The following PPP1R1C variants were observed in gnomAD, a reference collection of about 807,000 sequenced individuals.
PPP1R1C encodes protein phosphatase 1 regulatory inhibitor subunit 1C.
Under a neutral mutation model 17.4 loss-of-function variants are expected in PPP1R1C, and 15 were observed. That is an observed-to-expected ratio of 0.86 (90% CI 0.58 to 1.33). PPP1R1C has a LOEUF of 1.33. Ranked by LOEUF, PPP1R1C falls within the 40% of genes most tolerant of loss-of-function variation. PPP1R1C has a pLI of 0.00. For synonymous variants in PPP1R1C, 35 were observed against 43.1 expected (o/e 0.81, Z 0.73); for missense variants, 143 against 130.0 (o/e 1.10, Z -0.48).
At chr2:181,980,797 A>G (rs866356200) in intron 2 of PPP1R1C, among the ~76,000 whole-genome samples, 19 of 152,232 alleles carry the variant, frequency 1.2e-4, no homozygotes, top group Admixed American at 3.9e-4. Context: ...TATGTAACAC[A>G]CTAATAATTC....
intron 2 of PPP1R1C, among the ~76,000 whole-genome samples, chr2:181,993,927 T>G (rs79937045): frequency 0.015 from 2,261 of 152,208 alleles, 63 homozygotes; most frequent in African/African-American, 0.051. Context: ...GACCTGCATT[T>G]CTTATTCAAA....
At chr2:182,126,690 C>G (rs1412827257) in intron 5 of PPP1R1C, among the ~76,000 whole-genome samples, 1 of 151,936 alleles carries the variant, frequency 6.6e-6, no homozygotes, top group African/African-American at 2.4e-5. Context: ...AAAGAGACTA[C>G]CACTCAACCG....
At chr2:182,023,527 T>C (rs1225693521) in intron 2 of PPP1R1C, among the ~76,000 whole-genome samples, 1 of 152,212 alleles carries the variant, frequency 6.6e-6, no homozygotes, top group African/African-American at 2.4e-5. Context: ...AATTATATAG[T>C]ATCAAATTTT....
At chr2:181,969,920 A>G in intron 1 of PPP1R1C, among the ~76,000 whole-genome samples, 1 of 152,048 alleles carries the variant, frequency 6.6e-6, no homozygotes, top group East Asian at 1.9e-4. Context: ...TGTCAATTGT[A>G]TTTTTCAAAT....
intron 4 of PPP1R1C, among the ~76,000 whole-genome samples, chr2:182,091,944 C>T (rs1365982213): frequency 6.6e-6 from 1 of 151,870 alleles, no homozygotes; most frequent in East Asian, 1.9e-4. Context: ...TATTTTAAGC[C>T]CCTAGAACAT....
intron 2 of PPP1R1C, among the ~76,000 whole-genome samples, chr2:182,043,237 G>C (rs890053811): frequency 1.3e-5 from 2 of 152,056 alleles, no homozygotes; most frequent in Admixed American, 6.6e-5. Context: ...TCTGTGTCTG[G>C]ATTATTTTCT....
At chr2:182,003,186 G>T (rs1685822262) in intron 2 of PPP1R1C, among the ~76,000 whole-genome samples, 3 of 152,140 alleles carry the variant, frequency 2.0e-5, no homozygotes, top group Admixed American at 2.0e-4. Context: ...TTTGAGATCT[G>T]CTCTGCATAA....
At chr2:182,019,038 A>T (rs1686340053) in intron 2 of PPP1R1C, among the ~76,000 whole-genome samples, 1 of 152,206 alleles carries the variant, frequency 6.6e-6, no homozygotes, top group Non-Finnish European at 1.5e-5. Context: ...TTAAACACAG[A>T]TAGTGAATGC....
intron 4 of PPP1R1C, among the ~76,000 whole-genome samples, chr2:182,092,517 A>G (rs1490072006): frequency 6.6e-6 from 1 of 152,312 alleles, no homozygotes; most frequent in East Asian, 1.9e-4. Flanking sequence ...AACTCATTTC[A>G]TCATTAACTC....
intron 2 of PPP1R1C, among the ~76,000 whole-genome samples, chr2:182,022,183 G>C (rs1686448728): frequency 6.6e-6 from 1 of 152,154 alleles, no homozygotes; most frequent in African/African-American, 2.4e-5. Flanking sequence ...CATGCTGTAA[G>C]ACATAAATTG....
intron 4 of PPP1R1C, among the ~76,000 whole-genome samples, chr2:182,089,871 A>C (rs191400047): frequency 6.6e-6 from 1 of 152,144 alleles, no homozygotes; most frequent in Admixed American, 6.5e-5. Flanking sequence ...AAGCCTCATA[A>C]GTTTTACTCT....
chr2:182,131,158 T>G (rs1689998423), downstream of PPP1R1C: 1 of 152,208 alleles, frequency 6.6e-6, no homozygotes, highest in African/African-American at 2.4e-5. Context: ...CCTTGTTTTC[T>G]TTCATTGTGC....
At chr2:182,021,322 T>C (rs1391137669) in intron 2 of PPP1R1C, among the ~76,000 whole-genome samples, 3 of 1,350 alleles carry the variant, frequency 2.2e-3, no homozygotes, top group Non-Finnish European at 5.2e-3. Flanking sequence ...TCTCTCTCTC[T>C]TTTTTTTTTT....
chr2:182,087,922 A>G (rs1688675725), intron 4 of PPP1R1C, among the ~76,000 whole-genome samples: 1 of 152,244 alleles, frequency 6.6e-6, no homozygotes, highest in African/African-American at 2.4e-5. Context: ...GGGCATAACC[A>G]TAGGCTAGGA....
upstream of PPP1R1C, among the ~76,000 whole-genome samples, chr2:181,981,562 C>T (rs911362555): frequency 1.3e-5 from 2 of 151,936 alleles, no homozygotes; most frequent in Admixed American, 6.6e-5. Context: ...TACTGGGATT[C>T]GACCACATTT....
intron 2 of PPP1R1C, among the ~76,000 whole-genome samples, chr2:182,036,298 T>C (rs1005997573): frequency 2.0e-5 from 3 of 152,200 alleles, no homozygotes; most frequent in Non-Finnish European, 2.9e-5. Flanking sequence ...TGCCTGTAAA[T>C]GGAGGCTGAT....
intron 2 of PPP1R1C, among the ~76,000 whole-genome samples, chr2:182,004,952 T>C (rs961507905): frequency 2.6e-5 from 4 of 152,118 alleles, no homozygotes; most frequent in Non-Finnish European, 5.9e-5. Context: ...TGGTAATGAA[T>C]TCAGAATGGA....
At chr2:182,033,015 T>A (rs1686892555) in intron 2 of PPP1R1C, among the ~76,000 whole-genome samples, 1 of 152,174 alleles carries the variant, frequency 6.6e-6, no homozygotes, top group Non-Finnish European at 1.5e-5. Context: ...TACCCCCAAA[T>A]TCACTCCACT....
At chr2:181,990,064 A>C (rs543549587) in intron 2 of PPP1R1C, among the ~76,000 whole-genome samples, 1 of 152,312 alleles carries the variant, frequency 6.6e-6, no homozygotes, top group Non-Finnish European at 1.5e-5. Context: ...AAGAACACTA[A>C]ACCAAATCAA....
Sources: gnomAD v4.1 joint callset for allele counts (sites outside exome capture counted in the v4.1 genomes callset) on GRCh38, gnomAD v4.1.1 for gene constraint, MANE v1.5 for transcripts, NCBI Gene and HGNC (gene_info 2026-07-23, HGNC 2026-07-21) for gene names.